NRXN1: variants seen among roughly 807,000 people sequenced by gnomAD.
NRXN1 encodes neurexin 1.
Under a neutral mutation model 150.9 loss-of-function variants are expected in NRXN1, and 39 were observed. The observed-to-expected ratio is 0.26, with a 90% CI of 0.20 to 0.34. NRXN1 has a LOEUF of 0.34. Among genes scored for constraint, NRXN1 ranks in the 10% least tolerant of loss-of-function variants. The probability of loss-of-function intolerance (pLI) is 1.00; values close to 1 mark genes in which losing one functional copy is unlikely to be tolerated. For synonymous variants in NRXN1, 924 were observed against 757.0 expected (o/e 1.22, Z -3.62); for missense variants, 1,815 against 1,949.9 (o/e 0.93, Z 1.30).
chr2:50,762,347 T>C (rs981351333), intron 5 of NRXN1, among the ~76,000 whole-genome samples: 4 of 151,944 alleles, frequency 2.6e-5, no homozygotes, highest in African/African-American at 9.6e-5. Flanking sequence ...TTTTCAACTT[T>C]TAATTTTTAA....
chr2:50,817,516 T>A (rs1559305072), intron 5 of NRXN1, among the ~76,000 whole-genome samples: 1 of 152,042 alleles, frequency 6.6e-6, no homozygotes, highest in African/African-American at 2.4e-5. Flanking sequence ...GCCAGCATTG[T>A]GGTGATAGGG....
intron 18 of NRXN1, among the ~76,000 whole-genome samples, chr2:50,134,873 T>C (rs1043419568): frequency 6.6e-6 from 1 of 152,200 alleles, no homozygotes; most frequent in Non-Finnish European, 1.5e-5. Context: ...GGCTGATATA[T>C]ACCTGGCAGG....
intron 21 of NRXN1, among the ~76,000 whole-genome samples, chr2:50,041,417 T>G (rs10191808): frequency 0.4 from 60,245 of 152,004 alleles, 12,267 homozygotes; most frequent in East Asian, 0.57. Flanking sequence ...TATGCACAGC[T>G]TGTCTTGTAG....
rs10671122 is a variant in NRXN1, at chr2:50,978,271, C to CATATATATATATATATATAT, written c.772+49211_772+49230dup. Among the ~76,000 whole-genome samples, 278 of 94,930 alleles carry CATATATATATATATATATAT rather than the reference C, an allele frequency of 2.9e-3. 4 individuals carry two copies. The highest frequency in any genetic ancestry group is 4.8e-3 in the Non-Finnish European group (212 of 44,004). The allele number at this position is 94,930 out of a possible 152,430, so 62.3% of individuals were successfully genotyped here. Reference sequence around the variant, plus strand: ...CCATACTCTGAATATGGATATTATACATATATATATATATATATATATATA... The same window carrying CATATATATATATATATATAT: ...CCATACTCTGAATATGGATATTATACATATATATATATATATATATATATATATATATATATATATATATA... On this transcript the variant is annotated intron_variant, in intron 2 of 22. Coordinates refer to ENST00000401669, the MANE Select transcript of NRXN1 (RefSeq NM_001330078.2).
intron 5 of NRXN1, among the ~76,000 whole-genome samples, chr2:50,799,579 G>A (rs920581755): frequency 2.6e-5 from 4 of 152,108 alleles, no homozygotes; most frequent in African/African-American, 4.8e-5. Flanking sequence ...ACCGTACGTC[G>A]AGTACCCACA....
intron 5 of NRXN1, among the ~76,000 whole-genome samples, chr2:50,833,558 A>G (rs1199005474): frequency 6.6e-6 from 1 of 152,224 alleles, no homozygotes; most frequent in Non-Finnish European, 1.5e-5. Flanking sequence ...ACAGTTCCAC[A>G]TGTTATGATT....
intron 18 of NRXN1, among the ~76,000 whole-genome samples, chr2:50,183,383 C>G (rs1384248131): frequency 6.6e-6 from 1 of 151,876 alleles, no homozygotes; most frequent in Non-Finnish European, 1.5e-5. Context: ...GAAATCTTCC[C>G]TTGCCAAAGA....
chr2:50,578,145 A>C (rs1671717743), intron 8 of NRXN1, among the ~76,000 whole-genome samples: 1 of 152,158 alleles, frequency 6.6e-6, no homozygotes, highest in African/African-American at 2.4e-5. Flanking sequence ...GAAAATCTTC[A>C]TTTCCAATAT....
At chr2:50,448,462 T>G (rs571260167) in intron 17 of NRXN1, among the ~76,000 whole-genome samples, 129 of 152,278 alleles carry the variant, frequency 8.5e-4, no homozygotes, top group Middle Eastern at 3.4e-3. Context: ...ATGATAATGT[T>G]GCACAATGAG....
intron 13 of NRXN1, among the ~76,000 whole-genome samples, chr2:50,502,093 T>C (rs1279616739): frequency 6.6e-6 from 1 of 152,124 alleles, no homozygotes; most frequent in Non-Finnish European, 1.5e-5. Flanking sequence ...AAAGCTTTCA[T>C]TGCCACATTT....
At chr2:50,859,183 T>C (rs1290977278) in intron 5 of NRXN1, among the ~76,000 whole-genome samples, 2 of 151,930 alleles carry the variant, frequency 1.3e-5, no homozygotes, top group Non-Finnish European at 2.9e-5. Context: ...ACAAGTGCAA[T>C]TACCTGGCTC....
At chr2:50,247,183 T>C (rs17040328) in intron 17 of NRXN1, among the ~76,000 whole-genome samples, 3,796 of 152,108 alleles carry the variant, frequency 0.025, 179 homozygotes, top group African/African-American at 0.087. Context: ...CCTAAATTAT[T>C]CTGATAAGAA....
chr2:50,236,331 T>G (rs1019075456), intron 18 of NRXN1, among the ~76,000 whole-genome samples: 3 of 152,104 alleles, frequency 2.0e-5, no homozygotes, highest in Non-Finnish European at 2.9e-5. Context: ...TAAAGTATAC[T>G]TTCGTTCCTT....
At chr2:50,151,444 C>G (rs770787425) in intron 18 of NRXN1, among the ~76,000 whole-genome samples, 9 of 151,372 alleles carry the variant, frequency 5.9e-5, no homozygotes, top group Non-Finnish European at 1.3e-4. Flanking sequence ...TTCTTATTTC[C>G]CCATGTTTCT....
intron 17 of NRXN1, among the ~76,000 whole-genome samples, chr2:50,320,347 G>C (rs2075948002): frequency 1.7e-5 from 2 of 116,000 alleles, no homozygotes; most frequent in Non-Finnish European, 3.4e-5. Flanking sequence ...TTAGCATCAG[G>C]TTAGTCTGGG....
rs3732049 is a variant in NRXN1, at chr2:50,347,594, C to T, written c.3365-110624G>A. ...TCGCCTGCTCCCGAGGCAATCTCCG[C>T]GTCCGCCGCCTCCTGACACTTACGC... On this transcript the variant is annotated intron_variant, in intron 17 of 22. Transcript: ENST00000401669. The surrounding 1 kb of genome is among the most constrained non-coding windows in gnomAD (Gnocchi z 4.9). The T allele has an allele frequency of 3.5e-3, 3,509 of 1,009,074 alleles. 116 individuals carry two copies. The East Asian group carries it at 0.12, about 34-fold the overall frequency. The allele number at this position is 1,009,074 out of a possible 1,614,324, so 62.5% of individuals were successfully genotyped here.
intron 17 of NRXN1, among the ~76,000 whole-genome samples, chr2:50,455,970 A>C: frequency 6.6e-6 from 1 of 152,200 alleles, no homozygotes; most frequent in Non-Finnish European, 1.5e-5. Flanking sequence ...AAAGCTTCCA[A>C]ATAGAACTGC....
chr2:50,909,898 C>A (rs554265523), intron 5 of NRXN1, among the ~76,000 whole-genome samples: 6 of 151,910 alleles, frequency 3.9e-5, no homozygotes, highest in African/African-American at 9.7e-5. Context: ...GATCTTAATA[C>A]CCTAATCAAA....
intron 18 of NRXN1, among the ~76,000 whole-genome samples, chr2:50,147,511 G>A (rs1172301622): frequency 6.6e-6 from 1 of 151,690 alleles, no homozygotes; most frequent in Non-Finnish European, 1.5e-5. Flanking sequence ...AGCTAGAAAG[G>A]ACAAATGGAC....
Sources: allele counts gnomAD v4.1 joint callset (sites outside exome capture counted in the v4.1 genomes callset), GRCh38; gene constraint gnomAD v4.1.1; non-coding constraint Gnocchi (gnomAD v3.1); transcripts MANE v1.5; gene names NCBI Gene and HGNC (gene_info 2026-07-23, HGNC 2026-07-21).